The following MAPT variants were observed in gnomAD, a reference collection of about 807,000 sequenced individuals.
MAPT encodes the protein microtubule associated protein tau, also known as microtubule-associated protein tau.
A neutral mutation model predicts 67.9 loss-of-function variants in MAPT; 34 were observed. That is an observed-to-expected ratio of 0.50 (90% CI 0.38 to 0.67). The LOEUF is 0.67. Among genes scored for constraint, MAPT ranks in the 30% least tolerant of loss-of-function variants. MAPT has a pLI of 0.00. For synonymous variants in MAPT, 456 were observed against 464.5 expected (o/e 0.98, Z 0.23); for missense variants, 881 against 1,115.2 (o/e 0.79, Z 2.99).
intron 1 of MAPT, among the ~76,000 whole-genome samples, chr17:45,954,982 C>T (rs2145176712): frequency 6.6e-6 from 1 of 151,800 alleles, no homozygotes; most frequent in East Asian, 1.9e-4. Flanking sequence ...GAGACTCCGT[C>T]TCAAAAACAA....
At chr17:45,941,485 C>A (rs1460643829) in intron 1 of MAPT, among the ~76,000 whole-genome samples, 1 of 152,040 alleles carries the variant, frequency 6.6e-6, no homozygotes, top group Non-Finnish European at 1.5e-5. Context: ...TGGCTTCTAC[C>A]CCAGGGGTGT....
At chr17:45,903,218 C>T (rs1047137112) in intron 1 of MAPT, among the ~76,000 whole-genome samples, 4 of 152,160 alleles carry the variant, frequency 2.6e-5, no homozygotes, top group African/African-American at 9.7e-5. Context: ...GACAGCTCCT[C>T]CTCCTGAATT....
intron 3 of MAPT, chr17:45,976,895 T>A (rs2145553865): frequency 6.6e-6 from 1 of 152,452 alleles, no homozygotes; most frequent in Admixed American, 6.5e-5. Flanking sequence ...ACACCCTCTG[T>A]CTCAAGGACT....
intron 1 of MAPT, chr17:45,895,761 C>T (rs1214395965): frequency 6.6e-6 from 1 of 152,450 alleles, no homozygotes; most frequent in African/African-American, 2.4e-5. Flanking sequence ...CCCAGCCCCC[C>T]TTTTTTTCCC....
intron 1 of MAPT, among the ~76,000 whole-genome samples, chr17:45,944,226 T>C (rs2068251224): frequency 6.6e-6 from 1 of 152,198 alleles, no homozygotes; most frequent in Non-Finnish European, 1.5e-5. Flanking sequence ...AGAGGGCAAG[T>C]GACTGGCCCA....
At chr17:46,014,837 C>G (rs974985207) in intron 11 of MAPT, among the ~76,000 whole-genome samples, 8 of 151,498 alleles carry the variant, frequency 5.3e-5, no homozygotes, top group Non-Finnish European at 8.8e-5. Flanking sequence ...GAGCAGAGAT[C>G]GCGCCACTGC....
At chr17:45,954,277 A>G (rs1395636279) in intron 1 of MAPT, among the ~76,000 whole-genome samples, 3 of 152,214 alleles carry the variant, frequency 2.0e-5, no homozygotes, top group African/African-American at 7.2e-5. Flanking sequence ...TACGTTGAGC[A>G]GTTACAACAG....
intron 7 of MAPT, 85 bp from the exon 8 acceptor site, chr17:45,991,375 G>T (rs1598304476): frequency 1.3e-6 from 2 of 1,569,724 alleles, no homozygotes; most frequent in Middle Eastern, 3.8e-4. Flanking sequence ...TTGAGTCAAG[G>T]TGGCGGAGTG....
intron 1 of MAPT, among the ~76,000 whole-genome samples, chr17:45,917,691 T>C (rs2065316821): frequency 6.6e-6 from 1 of 152,082 alleles, no homozygotes; most frequent in African/African-American, 2.4e-5. Context: ...AAATGCTGTA[T>C]GGGAAGGGGC....
intron 1 of MAPT, among the ~76,000 whole-genome samples, chr17:45,903,293 A>T (rs1035546290): frequency 4.6e-5 from 7 of 152,054 alleles, no homozygotes; most frequent in African/African-American, 1.7e-4. Context: ...TCTGCCATTG[A>T]TTTGCAGGTC....
intron 1 of MAPT, among the ~76,000 whole-genome samples, chr17:45,903,990 A>AT (rs1568133641): frequency 1.5e-3 from 21 of 14,292 alleles, no homozygotes; most frequent in African/African-American, 4.5e-3. Context: ...TTATATATTT[A>AT]TATATATTAT....
Position 45,996,659 on chromosome 17 carries a change from G to A in MAPT, c.1993G>A (p.Gly665Arg), listed in dbSNP as rs1247408229. 4 of 1,613,680 alleles carry A rather than the reference G, an allele frequency of 2.5e-6. No individual in the cohort carries two copies. Among genetic ancestry groups the A allele is most frequent in the South Asian group, 1.1e-5 (1 of 91,064 alleles). ...TENLKHQPGG[G>R]KVQIINKKLD... ...GAACCTGAAGCACCAGCCGGGAGGC[G>A]GGAAGGTGAGAGTGGCTGGCTGCGC... is the stretch of plus-strand genomic sequence containing the variant. Residue 665 changes from glycine (G) to arginine (R), a missense_variant, in exon 9 of 13, where the codon GGG becomes AGG. By Grantham distance (125) the Gly-to-Arg change is moderately radical (BLOSUM62 -2). Coordinates refer to ENST00000262410, the MANE Select transcript of MAPT (RefSeq NM_001377265.1). This position sits in a 1 kb window ranked among gnomAD's most constrained non-coding sequence, Gnocchi z 4.5.
At chr17:45,956,597 T>C (rs2069736700) in intron 1 of MAPT, among the ~76,000 whole-genome samples, 1 of 46,876 alleles carries the variant, frequency 2.1e-5, no homozygotes, top group Admixed American at 2.5e-4. Context: ...TATATATATA[T>C]ATATTTTTTA....
intron 9 of MAPT, among the ~76,000 whole-genome samples, chr17:46,003,435 T>C (rs1424841070): frequency 3.9e-5 from 6 of 152,016 alleles, no homozygotes; most frequent in East Asian, 1.9e-4. Context: ...CACACCACCA[T>C]GCCTAGCAAA....
intron 6 of MAPT, 118 bp downstream of exon 6, chr17:45,987,213 T>G (rs2073639146): frequency 2.1e-6 from 2 of 954,042 alleles, no homozygotes; most frequent in Non-Finnish European, 3.3e-6. Flanking sequence ...AGTACAGCTG[T>G]CATTTAAAGT....
At chr17:45,997,486 G>C (rs904755663) in intron 9 of MAPT, among the ~76,000 whole-genome samples, 1 of 152,196 alleles carries the variant, frequency 6.6e-6, no homozygotes. Flanking sequence ...GCAGCTGGGC[G>C]TAGTGGCTCA....
At chr17:45,925,396 A>G (rs2066180463) in intron 1 of MAPT, among the ~76,000 whole-genome samples, 1 of 152,250 alleles carries the variant, frequency 6.6e-6, no homozygotes, top group Non-Finnish European at 1.5e-5. Context: ...GGAAGCTCCC[A>G]TACAATGCTA....
chr17:45,935,097 T>C (rs17565025), intron 1 of MAPT, among the ~76,000 whole-genome samples: 21,851 of 152,160 alleles, frequency 0.14, 2,139 homozygotes, highest in Middle Eastern at 0.22. Context: ...GAGCCCCTCA[T>C]GAGAATTTGA....
intron 10 of MAPT, among the ~76,000 whole-genome samples, chr17:46,012,733 G>C (rs980242405): frequency 6.6e-6 from 1 of 151,746 alleles, no homozygotes; most frequent in Non-Finnish European, 1.5e-5. Context: ...CTTTCTGGCC[G>C]TTCCCTGGTC....
Sources: gnomAD v4.1 joint callset for allele counts (sites outside exome capture counted in the v4.1 genomes callset) on GRCh38, gnomAD v4.1.1 for gene constraint, Gnocchi (gnomAD v3.1) non-coding constraint, MANE v1.5 for transcripts, NCBI Gene and HGNC (gene_info 2026-07-23, HGNC 2026-07-21) for gene names.